Variants in MTUS2 observed in about 807,000 individuals in gnomAD.
MTUS2 encodes microtubule associated scaffold protein 2.
A neutral mutation model predicts 114.1 loss-of-function variants in MTUS2; 40 were observed. That is an observed-to-expected ratio of 0.35 (90% CI 0.27 to 0.46). The LOEUF (loss-of-function observed/expected upper bound fraction) is 0.46. MTUS2 is among the 20% of genes least tolerant of loss of function. The pLI is 1.00. For missense variants in MTUS2, 1,679 were observed against 1,705.4 expected, an observed-to-expected ratio of 0.98 and a Z score of 0.27; for synonymous variants, 688 against 672.0, an observed-to-expected ratio of 1.02 and a Z score of -0.37.
intron 2 of MTUS2, among the ~76,000 whole-genome samples, chr13:28,892,100 A>G (rs572612396): frequency 6.6e-6 from 1 of 152,100 alleles, no homozygotes; most frequent in African/African-American, 2.4e-5. Flanking sequence ...TCTACTTAAT[A>G]CAGATACCAT....
At chr13:28,900,310 G>T (rs968864785) in intron 2 of MTUS2, among the ~76,000 whole-genome samples, 2 of 152,248 alleles carry the variant, frequency 1.3e-5, no homozygotes, top group Non-Finnish European at 1.5e-5. Context: ...GTGTGTGTGT[G>T]TATGTGTGTG....
chr13:28,918,015 T>C (rs553149905), intron 2 of MTUS2, among the ~76,000 whole-genome samples: 1 of 151,982 alleles, frequency 6.6e-6, no homozygotes, highest in East Asian at 1.9e-4. Context: ...GTATTTTTTA[T>C]AGTCTCCAAA....
At chr13:29,190,849 C>A (rs146288725) in intron 5 of MTUS2, among the ~76,000 whole-genome samples, 2 of 152,190 alleles carry the variant, frequency 1.3e-5, no homozygotes, top group Non-Finnish European at 2.9e-5. Flanking sequence ...GTTGACCTGA[C>A]GTTCACTGTG....
chr13:29,446,476 CA>C (rs1278017974), intron 9 of MTUS2, among the ~76,000 whole-genome samples: 2 of 152,180 alleles, frequency 1.3e-5, no homozygotes, highest in African/African-American at 4.8e-5. Flanking sequence ...TCATACTTGT[CA>C]TTTCATAGCC....
At chr13:29,291,091 C>A (rs539127576) in intron 6 of MTUS2, among the ~76,000 whole-genome samples, 1 of 152,266 alleles carries the variant, frequency 6.6e-6, no homozygotes, top group African/African-American at 2.4e-5. Context: ...CAGCAGGTAC[C>A]CGAGAACCCA....
At chr13:29,466,758 T>C (rs1450791358) in intron 9 of MTUS2, among the ~76,000 whole-genome samples, 1 of 150,980 alleles carries the variant, frequency 6.6e-6, no homozygotes, top group African/African-American at 2.4e-5. Flanking sequence ...GTGTCTATAG[T>C]CCCAGCTACT....
intron 2 of MTUS2, among the ~76,000 whole-genome samples, chr13:28,956,185 C>G (rs1883054838): frequency 6.6e-6 from 1 of 151,766 alleles, no homozygotes; most frequent in Non-Finnish European, 1.5e-5. Context: ...TGAGTTACTT[C>G]ACTTAGAATA....
intron 2 of MTUS2, among the ~76,000 whole-genome samples, chr13:29,022,034 G>A (rs1355808132): frequency 1.3e-5 from 2 of 152,098 alleles, no homozygotes; most frequent in African/African-American, 4.8e-5. Flanking sequence ...AGAGCAGTGT[G>A]GTACGGAAAT....
intron 5 of MTUS2, among the ~76,000 whole-genome samples, chr13:29,207,123 C>T (rs1895221762): frequency 1.3e-5 from 2 of 151,856 alleles, no homozygotes; most frequent in South Asian, 4.2e-4. Context: ...GGTCTTTCAC[C>T]CCCTTGGTTA....
Position 29,118,054 on chromosome 13 carries a change from C to T in MTUS2, c.2644+17084C>T, listed in dbSNP as rs142780666. Among the ~76,000 whole-genome samples, 122 of 152,174 alleles carry T rather than the reference C, an allele frequency of 8.0e-4. 5 individuals carry two copies. In the East Asian group the frequency reaches 0.022, roughly 28 times the overall value. On this transcript the variant is annotated intron_variant, in intron 5 of 15. Transcript: ENST00000612955. ...TTGAAGGTGCATGAAAAATAGACCA[C>T]GTCTCCCTGGTTTTTATTACAATTA...
chr13:28,873,767 T>C (rs934994438), intron 2 of MTUS2, among the ~76,000 whole-genome samples: 1 of 152,196 alleles, frequency 6.6e-6, no homozygotes, highest in African/African-American at 2.4e-5. Flanking sequence ...TATTAATAAT[T>C]GAAGAAGCCA....
chr13:29,351,926 A>G (rs1323961007), intron 7 of MTUS2, among the ~76,000 whole-genome samples: 1 of 151,948 alleles, frequency 6.6e-6, no homozygotes, highest in Non-Finnish European at 1.5e-5. Flanking sequence ...GCATTAGTTA[A>G]TTCTTGATAG....
intron 6 of MTUS2, among the ~76,000 whole-genome samples, chr13:29,298,064 G>A (rs1370412913): frequency 6.6e-6 from 1 of 152,166 alleles, no homozygotes; most frequent in Non-Finnish European, 1.5e-5. Context: ...TACACTAATA[G>A]TGGGGCTGTA....
chr13:29,250,018 G>C (rs1207474769), intron 5 of MTUS2, among the ~76,000 whole-genome samples: 1 of 151,994 alleles, frequency 6.6e-6, no homozygotes, highest in Non-Finnish European at 1.5e-5. Flanking sequence ...AGCTAAAATC[G>C]ACAAATGAGA....
At chr13:29,139,244 C>G (rs1431270520) in intron 5 of MTUS2, among the ~76,000 whole-genome samples, 1 of 152,158 alleles carries the variant, frequency 6.6e-6, no homozygotes, top group Admixed American at 6.5e-5. Flanking sequence ...ATGGTTAACT[C>G]AAGCTGATGA....
chr13:29,497,573 A>G (rs1365258907), intron 13 of MTUS2: 1 of 555,996 alleles, frequency 1.8e-6, no homozygotes, highest in Non-Finnish European at 3.2e-6. Context: ...ATTCCACAGC[A>G]TTCCCCAGCT....
chr13:28,957,034 A>T (rs1335044409), intron 2 of MTUS2, among the ~76,000 whole-genome samples: 1 of 152,206 alleles, frequency 6.6e-6, no homozygotes, highest in Non-Finnish European at 1.5e-5. Context: ...AGGCTGCCCT[A>T]GAGAAAGAGC....
At chr13:28,908,206 A>G (rs1213169930) in intron 2 of MTUS2, among the ~76,000 whole-genome samples, 1 of 151,520 alleles carries the variant, frequency 6.6e-6, no homozygotes, top group African/African-American at 2.4e-5. Context: ...TTAGTTACAT[A>G]TGTATACATG....
rs1037499866 is a variant in MTUS2, at chr13:29,505,644, G to A, written c.*2438G>A. The A allele has an allele frequency of 4.3e-5, 10 of 231,174 alleles. No homozygotes were observed. The highest frequency in any genetic ancestry group is 7.7e-5 in the Non-Finnish European group (9 of 116,870). The allele number at this position is 231,174 out of a possible 1,614,324, so 14.3% of individuals were successfully genotyped here. A position where few individuals can be genotyped will look rare whatever the true frequency, so the allele number is the denominator to read the frequency against. On this transcript the variant is annotated 3_prime_UTR_variant, in exon 16 of 16. Transcript: ENST00000612955. The stretch of plus-strand genomic sequence containing the variant: ...TGCCTCTGTCCCCTTCCAGGCTGGA[G>A]CGACGTTTCCACGTTCGGATGCTGC...
Sources: gnomAD v4.1 joint callset for allele counts (sites outside exome capture counted in the v4.1 genomes callset) on GRCh38, gnomAD v4.1.1 for gene constraint, MANE v1.5 for transcripts, NCBI Gene and HGNC (gene_info 2026-07-23, HGNC 2026-07-21) for gene names.